Variants in RAB11FIP4 observed in about 807,000 individuals in gnomAD.
The protein encoded by RAB11FIP4 is RAB11 family interacting protein 4, also known as rab11 family-interacting protein 4.
Under a neutral mutation model 74.3 loss-of-function variants are expected in RAB11FIP4, and 23 were observed. The observed-to-expected ratio is 0.31, with a 90% CI of 0.22 to 0.44. The LOEUF is 0.44. Among genes scored for constraint, RAB11FIP4 ranks in the 20% least tolerant of loss-of-function variants. RAB11FIP4 has a pLI of 1.00. For missense variants in RAB11FIP4, 630 were observed against 863.9 expected (o/e 0.73, Z 3.39); for synonymous variants, 360 against 359.9 (o/e 1.00, Z 0.00).
chr17:31,531,963 C>A lies in RAB11FIP4; in HGVS notation c.*231C>A. ...TTAGCCGTGCATGCACTTTGTGGCC[C>A]CTTTGCAAGGGGCAGAGGGTACTGG... On this transcript the variant is annotated 3_prime_UTR_variant, in exon 15 of 15. Coordinates refer to ENST00000621161, the MANE Select transcript of RAB11FIP4 (RefSeq NM_032932.6). 2.0e-6 allele frequency: 1 copy of A among 496,620 alleles called. No individual in the cohort carries two copies. Among genetic ancestry groups the A allele is most frequent in the Non-Finnish European group, 3.6e-6 (1 of 276,896 alleles). 30.8% of individuals were successfully genotyped at this position (496,620 alleles called of 1,614,324 possible). A position where few individuals can be genotyped will look rare whatever the true frequency, so the allele number is the denominator to read the frequency against.
chr17:31,418,918 C>G (rs1255959616), intron 1 of RAB11FIP4, among the ~76,000 whole-genome samples: 1 of 152,194 alleles, frequency 6.6e-6, no homozygotes, highest in Non-Finnish European at 1.5e-5. Context: ...GGCTCATCCC[C>G]CAAATTCTCT....
chr17:31,446,969 G>A (rs1451385913), intron 3 of RAB11FIP4, among the ~76,000 whole-genome samples: 1 of 152,198 alleles, frequency 6.6e-6, no homozygotes, highest in Non-Finnish European at 1.5e-5. Context: ...GGACAGCAAA[G>A]TGAGACCCCC....
At chr17:31,499,857 G>A (rs2072185447) in intron 3 of RAB11FIP4, among the ~76,000 whole-genome samples, 1 of 152,180 alleles carries the variant, frequency 6.6e-6, no homozygotes, top group Admixed American at 6.5e-5. Context: ...TGAAAGCTAA[G>A]AGGAAAAGCC....
intron 14 of RAB11FIP4, among the ~76,000 whole-genome samples, chr17:31,530,672 C>T (rs76141076): frequency 0.01 from 1,540 of 152,306 alleles, 24 homozygotes; most frequent in African/African-American, 0.035. Flanking sequence ...TCCGCCTGTG[C>T]TGGAAGGAGT....
At chr17:31,471,682 G>A (rs1458019796) in intron 3 of RAB11FIP4, among the ~76,000 whole-genome samples, 1 of 152,134 alleles carries the variant, frequency 6.6e-6, no homozygotes, top group Non-Finnish European at 1.5e-5. Flanking sequence ...GACAGTCTGG[G>A]TGTGCACAGA....
At chr17:31,427,709 C>T (rs931606165) in intron 1 of RAB11FIP4, among the ~76,000 whole-genome samples, 4 of 152,138 alleles carry the variant, frequency 2.6e-5, no homozygotes, top group Non-Finnish European at 4.4e-5. Flanking sequence ...GCATGGGAGG[C>T]TGGAGGGTAG....
At chr17:31,421,748 G>A (rs946362830) in intron 1 of RAB11FIP4, among the ~76,000 whole-genome samples, 20 of 151,420 alleles carry the variant, frequency 1.3e-4, no homozygotes, top group South Asian at 6.3e-4. Flanking sequence ...TAGTAGGGAT[G>A]GGGTTTCACT....
chr17:31,498,217 G>GT (rs1226756753), intron 3 of RAB11FIP4, among the ~76,000 whole-genome samples: 3 of 152,166 alleles, frequency 2.0e-5, no homozygotes, highest in African/African-American at 7.2e-5. Context: ...CCTCTCACCT[G>GT]TCCCCACTGC....
At chr17:31,459,267 T>C (rs2071611571) in intron 3 of RAB11FIP4, among the ~76,000 whole-genome samples, 1 of 152,114 alleles carries the variant, frequency 6.6e-6, no homozygotes, top group South Asian at 2.1e-4. Flanking sequence ...GTAGACTCCT[T>C]CCTCTGAGAT....
intron 3 of RAB11FIP4, among the ~76,000 whole-genome samples, chr17:31,435,237 C>T (rs937963614): frequency 6.6e-6 from 1 of 152,142 alleles, no homozygotes; most frequent in South Asian, 2.1e-4. Context: ...CTCTCCTCTG[C>T]CTGGAGGTTG....
chr17:31,421,409 G>T lies in RAB11FIP4; in HGVS notation c.160-10404G>T, dbSNP rs139259652. Among the ~76,000 whole-genome samples the T allele has an allele frequency of 8.1e-3, 1,233 of 151,930 alleles. 56 individuals carry two copies. Among genetic ancestry groups the T allele is most frequent in the Admixed American group, 0.066 (1,010 of 15,258 alleles). ...AATTTTTGTATTGTTAGTAGAGATGGGGTTTCACCATGTTGCCCAGGCTGG... is the reference window on the plus strand; with the variant it reads ...AATTTTTGTATTGTTAGTAGAGATGTGGTTTCACCATGTTGCCCAGGCTGG... On this transcript the variant is annotated intron_variant, in intron 1 of 14. Coordinates refer to ENST00000621161, the MANE Select transcript of RAB11FIP4 (RefSeq NM_032932.6).
intron 3 of RAB11FIP4, among the ~76,000 whole-genome samples, chr17:31,459,490 T>C (rs1214850246): frequency 6.6e-6 from 1 of 151,910 alleles, no homozygotes; most frequent in African/African-American, 2.4e-5. Flanking sequence ...GTTTTATTAT[T>C]ATTATTATTA....
intron 1 of RAB11FIP4, among the ~76,000 whole-genome samples, chr17:31,401,975 C>T (rs940421584): frequency 3.9e-5 from 6 of 152,176 alleles, no homozygotes; most frequent in Admixed American, 1.3e-4. Context: ...ATCTGCCTGC[C>T]GGTTCACCTA....
At chr17:31,402,702 A>C (rs896549033) in intron 1 of RAB11FIP4, among the ~76,000 whole-genome samples, 1 of 150,424 alleles carries the variant, frequency 6.6e-6, no homozygotes, top group Non-Finnish European at 1.5e-5. Context: ...ACTCACTGCA[A>C]GCTCTGCCTC....
chr17:31,462,846 G>T (rs1567664256), intron 3 of RAB11FIP4, among the ~76,000 whole-genome samples: 1 of 152,134 alleles, frequency 6.6e-6, no homozygotes, highest in Admixed American at 6.6e-5. Flanking sequence ...ATGTTGGTCA[G>T]ACTGGTCTCG....
chr17:31,413,862 C>T (rs552855674), intron 1 of RAB11FIP4, among the ~76,000 whole-genome samples: 168 of 152,240 alleles, frequency 1.1e-3, no homozygotes, highest in African/African-American at 3.9e-3. Context: ...TTTTTTTCCC[C>T]GAAGTTTAAA....
chr17:31,495,439 A>G (rs9890269), intron 3 of RAB11FIP4, among the ~76,000 whole-genome samples: 66,588 of 148,432 alleles, frequency 0.45, 15,004 homozygotes, highest in East Asian at 0.57. Flanking sequence ...CAGCGATACA[A>G]TCTTGGCTCA....
At chr17:31,415,708 T>C (rs1018496960) in intron 1 of RAB11FIP4, among the ~76,000 whole-genome samples, 1 of 151,862 alleles carries the variant, frequency 6.6e-6, no homozygotes, top group Non-Finnish European at 1.5e-5. Context: ...AGTAAAGCAG[T>C]CTGTGGTGGA....
intron 3 of RAB11FIP4, among the ~76,000 whole-genome samples, chr17:31,508,196 G>C (rs1179911188): frequency 2.6e-5 from 4 of 152,142 alleles, no homozygotes; most frequent in Non-Finnish European, 4.4e-5. Context: ...TGGGGAGAGA[G>C]GAGTGAGAGC....
Sources: gnomAD v4.1 joint callset for allele counts (sites outside exome capture counted in the v4.1 genomes callset) on GRCh38, gnomAD v4.1.1 for gene constraint, MANE v1.5 for transcripts, NCBI Gene and HGNC (gene_info 2026-07-23, HGNC 2026-07-21) for gene names.